Variants in ARNT2 observed in about 807,000 individuals in gnomAD.
ARNT2 encodes the protein ARNT protein 2.
In ARNT2, 36 loss-of-function variants were observed where a neutral mutation model predicts 91.7. The ratio of observed to expected loss-of-function variants is 0.39; its 90% CI spans 0.30 to 0.52. The LOEUF (loss-of-function observed/expected upper bound fraction) is 0.52, where lower values mean the gene tolerates loss of function less well. Ranked by LOEUF, ARNT2 falls within the 20% of genes least tolerant of loss-of-function variation. The probability of loss-of-function intolerance (pLI) is 0.72; values close to 1 mark genes in which losing one functional copy is unlikely to be tolerated. For missense variants in ARNT2, 775 were observed against 939.3 expected (o/e 0.83, Z 2.29); for synonymous variants, 365 against 347.1 (o/e 1.05, Z -0.57).
intron 3 of ARNT2, among the ~76,000 whole-genome samples, chr15:80,463,304 C>T (rs1383789514): frequency 2.6e-5 from 4 of 152,138 alleles, no homozygotes; most frequent in East Asian, 1.9e-4. Context: ...GAGATTCAGC[C>T]GAGCCTTTCA....
intron 1 of ARNT2, among the ~76,000 whole-genome samples, chr15:80,445,989 G>A (rs1896297021): frequency 6.6e-6 from 1 of 152,138 alleles, no homozygotes; most frequent in African/African-American, 2.4e-5. Context: ...ATGACTCTAA[G>A]TGGTGTTAGC....
Position 80,456,814 on chromosome 15 carries a change from A to G in ARNT2, c.147-1115A>G, listed in dbSNP as rs191736651. 3.1e-3 allele frequency among the ~76,000 whole-genome samples: 474 copies of G among 152,242 alleles called. 4 individuals are homozygous for G. The highest frequency in any genetic ancestry group is 0.011 in the African/African-American group (454 of 41,510). On this transcript the variant is annotated intron_variant, in intron 2 of 18. Transcript: ENST00000303329. ...AGCTCTAGAATCTGTAGCAGTGGTC[A>G]TTTAATACACACTCCATTCTGATAC...
intron 8 of ARNT2, among the ~76,000 whole-genome samples, chr15:80,516,352 C>T (rs532983357): frequency 6.6e-6 from 1 of 152,062 alleles, no homozygotes; most frequent in South Asian, 2.1e-4. Context: ...TTTTGCGTCA[C>T]GTATTTTGAT....
chr15:80,506,548 A>C (rs1478834250), intron 5 of ARNT2, among the ~76,000 whole-genome samples: 2 of 152,214 alleles, frequency 1.3e-5, no homozygotes, highest in African/African-American at 2.4e-5. Context: ...ATTCTCACCA[A>C]ACTAAGTTAG....
chr15:80,440,318 C>G (rs767063143), intron 1 of ARNT2, among the ~76,000 whole-genome samples: 12 of 152,192 alleles, frequency 7.9e-5, no homozygotes, highest in Non-Finnish European at 1.3e-4. Context: ...GTCACTCATC[C>G]TTGTTGTCTT....
At chr15:80,515,578 G>T (rs965599612) in intron 8 of ARNT2, among the ~76,000 whole-genome samples, 5 of 152,156 alleles carry the variant, frequency 3.3e-5, no homozygotes, top group African/African-American at 1.2e-4. Flanking sequence ...TCTTGGTACT[G>T]CAGGGAAGAA....
intron 5 of ARNT2, among the ~76,000 whole-genome samples, chr15:80,475,771 A>G (rs988972962): frequency 2.5e-4 from 38 of 152,170 alleles, no homozygotes; most frequent in African/African-American, 8.9e-4. Flanking sequence ...TGTCGTTGAT[A>G]TATTAGCCAG....
At chr15:80,530,018 G>T (rs763785041) in intron 8 of ARNT2, among the ~76,000 whole-genome samples, 11 of 152,094 alleles carry the variant, frequency 7.2e-5, no homozygotes, top group Non-Finnish European at 1.3e-4. Flanking sequence ...TATTAAGAAA[G>T]TCTCCTTTTC....
intron 6 of ARNT2, among the ~76,000 whole-genome samples, chr15:80,508,946 T>A (rs1340072998): frequency 6.6e-6 from 1 of 152,182 alleles, no homozygotes; most frequent in East Asian, 1.9e-4. Context: ...TTCAACCCTG[T>A]GCCCCCTGAG....
intron 8 of ARNT2, among the ~76,000 whole-genome samples, chr15:80,535,376 T>C (rs1897804690): frequency 6.6e-6 from 1 of 152,246 alleles, no homozygotes; most frequent in South Asian, 2.1e-4. Flanking sequence ...ATGTTCATTA[T>C]TTTGCTGTTT....
chr15:80,551,376 C>A, intron 9 of ARNT2, 101 bp downstream of exon 9: 1 of 1,135,572 alleles, frequency 8.8e-7, no homozygotes, highest in East Asian at 2.5e-5. Context: ...CACCTGTGTT[C>A]TTGGTATTTG....
At chr15:80,484,178 G>T (rs58787718) in intron 5 of ARNT2, among the ~76,000 whole-genome samples, 10,399 of 149,744 alleles carry the variant, frequency 0.069, 866 homozygotes, top group African/African-American at 0.19. Flanking sequence ...ATATATAAAT[G>T]TGGCAAAAAA....
intron 5 of ARNT2, among the ~76,000 whole-genome samples, chr15:80,495,146 C>A (rs1897108852): frequency 6.6e-6 from 1 of 152,082 alleles, no homozygotes; most frequent in African/African-American, 2.4e-5. Flanking sequence ...TGAGTTCTAA[C>A]CCAAACCCCA....
At chr15:80,470,680 G>A (rs1054435304) in intron 4 of ARNT2, among the ~76,000 whole-genome samples, 4 of 152,286 alleles carry the variant, frequency 2.6e-5, no homozygotes, top group East Asian at 3.9e-4. Flanking sequence ...TTTGAACATC[G>A]TGCTCAGCAC....
At chr15:80,462,664 A>G (rs186728139) in intron 3 of ARNT2, among the ~76,000 whole-genome samples, 9 of 152,304 alleles carry the variant, frequency 5.9e-5, no homozygotes, top group African/African-American at 1.9e-4. Flanking sequence ...TCCCTTATCA[A>G]GGGGCTTCCT....
Position 80,506,415 on chromosome 15 carries a change from G to A in ARNT2, c.623-1741G>A, listed in dbSNP as rs535371951. Reference sequence around the variant, plus strand: ...AAGGTGGCAGCAGGAGGCAGTGGGTGGAGAATGACTAAAAGGAAACATCAG... The same window carrying A: ...AAGGTGGCAGCAGGAGGCAGTGGGTAGAGAATGACTAAAAGGAAACATCAG... On this transcript the variant is annotated intron_variant, in intron 5 of 18. Coordinates refer to ENST00000303329, the MANE Select transcript of ARNT2 (RefSeq NM_014862.4). Among the ~76,000 whole-genome samples, 5 of 152,334 alleles carry A rather than the reference G, an allele frequency of 3.3e-5. No individual in the cohort carries two copies. The South Asian group carries it at 8.3e-4, about 25-fold the overall frequency.
At chr15:80,466,228 A>G (rs1159296623) in intron 3 of ARNT2, among the ~76,000 whole-genome samples, 1 of 152,224 alleles carries the variant, frequency 6.6e-6, no homozygotes, top group Non-Finnish European at 1.5e-5. Context: ...CACCGTTCAG[A>G]TTAAACTTAG....
chr15:80,521,579 T>C (rs1172159462), intron 8 of ARNT2, among the ~76,000 whole-genome samples: 1 of 152,136 alleles, frequency 6.6e-6, no homozygotes, highest in African/African-American at 2.4e-5. Flanking sequence ...AGCTGCAAAA[T>C]GTAAATTTTT....
At chr15:80,417,614 T>C (rs564739760) in intron 1 of ARNT2, among the ~76,000 whole-genome samples, 1 of 148,140 alleles carries the variant, frequency 6.8e-6, no homozygotes, top group Non-Finnish European at 1.5e-5. Context: ...TCTCCTTCCC[T>C]CCTCACCCTC....
Sources: allele counts gnomAD v4.1 joint callset (sites outside exome capture counted in the v4.1 genomes callset), GRCh38; gene constraint gnomAD v4.1.1; transcripts MANE v1.5; gene names NCBI Gene and HGNC (gene_info 2026-07-23, HGNC 2026-07-21).